Variants in GPR39 observed in about 807,000 individuals in gnomAD.
The protein encoded by GPR39 is G protein-coupled receptor 39.
In GPR39, 23 loss-of-function variants were observed where a neutral mutation model predicts 18.4. The observed-to-expected ratio is 1.25, with a 90% CI of 0.90 to 1.77. The LOEUF is 1.77. Ranked by LOEUF, GPR39 falls within the 40% of genes most tolerant of loss-of-function variation. GPR39 has a pLI of 0.00. For synonymous variants in GPR39, 280 were observed against 257.9 expected, an observed-to-expected ratio of 1.09 and a Z score of -0.82; for missense variants, 647 against 602.4, an observed-to-expected ratio of 1.07 and a Z score of -0.78.
intron 1 of GPR39, among the ~76,000 whole-genome samples, chr2:132,581,343 T>A (rs1680619740): frequency 6.6e-6 from 1 of 151,878 alleles, no homozygotes; most frequent in South Asian, 2.1e-4. Flanking sequence ...TGACTTTTTT[T>A]TTTTTTTTGG....
chr2:132,574,881 A>G (rs1421034043), intron 1 of GPR39, among the ~76,000 whole-genome samples: 1 of 152,180 alleles, frequency 6.6e-6, no homozygotes, highest in Non-Finnish European at 1.5e-5. Context: ...TGCTTGGTTT[A>G]AGATTAAACA....
At chr2:132,434,102 G>A (rs561719868) in intron 1 of GPR39, among the ~76,000 whole-genome samples, 1 of 152,126 alleles carries the variant, frequency 6.6e-6, no homozygotes, top group African/African-American at 2.4e-5. Context: ...GAGGAGAAAG[G>A]ATATCTGCCT....
intron 1 of GPR39, among the ~76,000 whole-genome samples, chr2:132,615,713 C>T (rs1326100153): frequency 2.6e-5 from 4 of 152,080 alleles, no homozygotes; most frequent in African/African-American, 9.7e-5. Context: ...TCCCTTTAGC[C>T]GTATTTATAT....
At chr2:132,477,760 T>C (rs1257133961) in intron 1 of GPR39, among the ~76,000 whole-genome samples, 2 of 152,214 alleles carry the variant, frequency 1.3e-5, no homozygotes, top group Non-Finnish European at 2.9e-5. Flanking sequence ...TACAGACCCC[T>C]GATGCAAAAG....
intron 1 of GPR39, among the ~76,000 whole-genome samples, chr2:132,469,737 G>C (rs1359424794): frequency 6.6e-6 from 1 of 152,186 alleles, no homozygotes; most frequent in Non-Finnish European, 1.5e-5. Context: ...AACATCCAGA[G>C]GGCCCATTAC....
chr2:132,445,397 C>T (rs1487703025), intron 1 of GPR39, among the ~76,000 whole-genome samples: 1 of 152,158 alleles, frequency 6.6e-6, no homozygotes, highest in Non-Finnish European at 1.5e-5. Flanking sequence ...TTAGTCTTAT[C>T]ACTCTTTAAA....
At chr2:132,627,366 C>T (rs1433418518) in intron 1 of GPR39, among the ~76,000 whole-genome samples, 1 of 152,194 alleles carries the variant, frequency 6.6e-6, no homozygotes, top group African/African-American at 2.4e-5. Context: ...CCAAGTACAA[C>T]AGTGTGCAGA....
At position 132,469,288 on chromosome 2, in the gene GPR39, G is replaced by C. The variant is rs565821110; in HGVS notation, c.856+51390G>C. Among the ~76,000 whole-genome samples, 195 of 152,300 alleles carry C rather than the reference G, an allele frequency of 1.3e-3. 1 individual carries two copies. The highest frequency in any genetic ancestry group is 2.1e-3 in the Non-Finnish European group (143 of 68,026). ...AGATCCTATTCAAGCTAAAATGAGT[G>C]GCTGGGGGCAACTCATACATAATTT... On this transcript the variant is annotated intron_variant, in intron 1 of 1. Coordinates refer to ENST00000329321, the MANE Select transcript of GPR39 (RefSeq NM_001508.3).
chr2:132,588,936 C>T lies in GPR39; in HGVS notation c.857-56165C>T, dbSNP rs74418963. 5.9e-3 allele frequency among the ~76,000 whole-genome samples: 899 copies of T among 152,216 alleles called. 14 individuals carry two copies. The highest frequency in any genetic ancestry group is 0.021 in the African/African-American group (859 of 41,528). ...CAAATGGGGAGATAGAGAAACCAAGCAGAAAGGGTCTGAGGGCAAACTGGG... is the reference window on the plus strand; with the variant it reads ...CAAATGGGGAGATAGAGAAACCAAGTAGAAAGGGTCTGAGGGCAAACTGGG... On this transcript the variant is annotated intron_variant, in intron 1 of 1. Transcript: ENST00000329321.
chr2:132,596,586 T>A (rs1429642379), intron 1 of GPR39, among the ~76,000 whole-genome samples: 2 of 152,164 alleles, frequency 1.3e-5, no homozygotes, highest in Non-Finnish European at 2.9e-5. Flanking sequence ...TTCACCTTCC[T>A]TTGATTTAAA....
At chr2:132,625,622 G>C (rs1429387516) in intron 1 of GPR39, among the ~76,000 whole-genome samples, 1 of 152,130 alleles carries the variant, frequency 6.6e-6, no homozygotes. Context: ...AGCTTTATAG[G>C]GCTTTCAGTT....
At chr2:132,503,934 C>G (rs953526945) in intron 1 of GPR39, among the ~76,000 whole-genome samples, 5 of 152,200 alleles carry the variant, frequency 3.3e-5, no homozygotes, top group Non-Finnish European at 7.3e-5. Flanking sequence ...GTCCTAATGG[C>G]CTCATTCCCT....
intron 1 of GPR39, among the ~76,000 whole-genome samples, chr2:132,450,521 G>A (rs886576927): frequency 6.6e-6 from 1 of 152,196 alleles, no homozygotes; most frequent in Admixed American, 6.5e-5. Context: ...AGTTCATCAG[G>A]AAAGCACATG....
intron 1 of GPR39, among the ~76,000 whole-genome samples, chr2:132,614,187 TG>T (rs1214458389): frequency 2.0e-5 from 3 of 147,604 alleles, no homozygotes; most frequent in Non-Finnish European, 3.0e-5. Flanking sequence ...CTTTTTTTTT[TG>T]TTTTTGTTTT....
rs151317421 is a variant in GPR39 at position 132,544,805 on chromosome 2, T to C, written c.857-100296T>C. Among the ~76,000 whole-genome samples the C allele has an allele frequency of 3.7e-3, 565 of 152,186 alleles. 4 individuals carry two copies. Among genetic ancestry groups the C allele is most frequent in the African/African-American group, 0.013 (526 of 41,528 alleles). ...AGGGCAGAGGACAGACCACCTGAAG[T>C]TGGGTGGTCTGTCTCCCCGTGTGGC... On this transcript the variant is annotated intron_variant, in intron 1 of 1. Coordinates refer to ENST00000329321, the MANE Select transcript of GPR39 (RefSeq NM_001508.3).
intron 1 of GPR39, among the ~76,000 whole-genome samples, chr2:132,551,787 T>C (rs976822766): frequency 6.8e-6 from 1 of 148,014 alleles, no homozygotes; most frequent in Non-Finnish European, 1.5e-5. Flanking sequence ...AAAGTAAATA[T>C]TGACAAGTGG....
chr2:132,552,899 TATACACACACATATATATAC>T (rs1226927694), intron 1 of GPR39, among the ~76,000 whole-genome samples: 3 of 123,874 alleles, frequency 2.4e-5, no homozygotes, highest in African/African-American at 1.1e-4. Context: ...CACATATATA[TATACACACACATATATATAC>T]ACACACACAC....
intron 1 of GPR39, among the ~76,000 whole-genome samples, chr2:132,441,645 A>G (rs1045811149): frequency 7.9e-5 from 12 of 152,162 alleles, no homozygotes; most frequent in Non-Finnish European, 1.6e-4. Flanking sequence ...CCCCTTCTCT[A>G]TCACACCGAA....
At chr2:132,467,217 C>A (rs1680942912) in intron 1 of GPR39, among the ~76,000 whole-genome samples, 1 of 152,256 alleles carries the variant, frequency 6.6e-6, no homozygotes, top group Non-Finnish European at 1.5e-5. Flanking sequence ...ATGGACCTAG[C>A]AGAGCACTGG....
Sources: gnomAD v4.1 joint callset for allele counts (sites outside exome capture counted in the v4.1 genomes callset) on GRCh38, gnomAD v4.1.1 for gene constraint, MANE v1.5 for transcripts, NCBI Gene and HGNC (gene_info 2026-07-23, HGNC 2026-07-21) for gene names.